The following USH2A variants were observed in gnomAD, a reference collection of about 807,000 sequenced individuals.
USH2A encodes usherin, also known as Usher syndrome 2A (autosomal recessive, mild).
In USH2A, 443 loss-of-function variants were observed where a neutral mutation model predicts 538.9. The observed-to-expected ratio is 0.82, with a 90% CI of 0.76 to 0.89. The LOEUF is 0.89. Among genes scored for constraint, USH2A ranks in the 40% least tolerant of loss-of-function variants. The probability of loss-of-function intolerance (pLI) is 0.00; values close to 1 mark genes in which losing one functional copy is unlikely to be tolerated. For synonymous variants in USH2A, 2,413 were observed against 2,273.5 expected (o/e 1.06, Z -1.75); for missense variants, 6,633 against 6,324.8 (o/e 1.05, Z -1.65).
chr1:216,088,879 C>A, intron 23 of USH2A, 134 bp downstream of exon 23: 1 of 1,378,044 alleles, frequency 7.3e-7, no homozygotes, highest in East Asian at 2.3e-5. Context: ...ATCCCAAAGG[C>A]AAATTCAACA....
Position 215,680,295 on chromosome 1 carries a change from C to A in USH2A, c.12148G>T (p.Gly4050Ter). Reference sequence around the variant, plus strand: ...AGAGTCCAAGGGCTTAAAATTTCTCCTGCATGGTTTGCAGCCACAACACCA... The same window carrying A: ...AGAGTCCAAGGGCTTAAAATTTCTCATGCATGGTTTGCAGCCACAACACCA... Reference protein sequence around the residue: ...RIGVVAANHAGEILSPWTLIQ... With the variant: ...RIGVVAANHA The change falls in exon 62 of 72, where the codon GGA (glycine) becomes TGA (stop). Residue 4050 changes from glycine (G) to a stop codon, truncating the protein, a stop_gained. Transcript: ENST00000307340. LOFTEE classifies it high-confidence loss of function. 3.1e-6 allele frequency: 5 copies of A among 1,614,116 alleles called. No homozygotes were observed. The highest frequency in any genetic ancestry group is 4.2e-6 in the Non-Finnish European group (5 of 1,180,006).
In USH2A at chr1:215,782,176, G is replaced by T. The variant is rs1661662703; in HGVS notation, c.10606C>A (p.Leu3536Ile). ...QSNGPIIYYI[L>I]LRNGIERFRG... is the part of the protein sequence containing the mutation. ...AAACGTTCAATTCCATTTCGAAGAA[G>T]GATGTAGTAAATAATAGGACCTAAA... The change falls in exon 54 of 72, where the codon CTT becomes ATT. Residue 3536 changes from leucine (L) to isoleucine (I), a missense_variant. By Grantham distance (5) the Leu-to-Ile change is conservative. Transcript: ENST00000307340. 2 of 1,613,872 alleles carry T rather than the reference G, an allele frequency of 1.2e-6. No individual in the cohort carries two copies. The highest frequency in any genetic ancestry group is 2.7e-5 in the African/African-American group (2 of 75,010).
At chr1:216,053,121 C>T (rs533898294) in intron 30 of USH2A, among the ~76,000 whole-genome samples, 44 of 152,100 alleles carry the variant, frequency 2.9e-4, no homozygotes, top group Non-Finnish European at 5.0e-4. Context: ...CTTACAGTAA[C>T]AGATTGATAC....
At chr1:215,838,285 G>A (rs1478710187) in intron 46 of USH2A, among the ~76,000 whole-genome samples, 182 bp from the exon 47 acceptor site, 1 of 152,142 alleles carries the variant, frequency 6.6e-6, no homozygotes, top group Non-Finnish European at 1.5e-5. Flanking sequence ...TCAGAGGAAG[G>A]TACGGAATTG....
At chr1:216,271,458 G>T (rs1488750389) in intron 11 of USH2A, among the ~76,000 whole-genome samples, 1 of 151,948 alleles carries the variant, frequency 6.6e-6, no homozygotes, top group Non-Finnish European at 1.5e-5. Flanking sequence ...CTATACAGTG[G>T]CATATTTTCT....
intron 30 of USH2A, among the ~76,000 whole-genome samples, chr1:216,064,187 T>A (rs2102540445): frequency 6.6e-6 from 1 of 152,328 alleles, no homozygotes; most frequent in Non-Finnish European, 1.5e-5. Context: ...ATTTTTATTT[T>A]ATAATGATTT....
At chr1:216,168,846 C>T (rs1415988367) in intron 21 of USH2A, among the ~76,000 whole-genome samples, 1 of 152,090 alleles carries the variant, frequency 6.6e-6, no homozygotes, top group African/African-American at 2.4e-5. Context: ...AACTGACTCA[C>T]CACAAGAGGA....
intron 27 of USH2A, among the ~76,000 whole-genome samples, chr1:216,073,723 T>C (rs1482109212): frequency 1.3e-5 from 2 of 152,228 alleles, no homozygotes; most frequent in Non-Finnish European, 2.9e-5. Context: ...AATATTTGAA[T>C]TAGCATGATT....
At chr1:216,033,545 T>C (rs936088066) in intron 32 of USH2A, among the ~76,000 whole-genome samples, 6 of 152,122 alleles carry the variant, frequency 3.9e-5, no homozygotes, top group African/African-American at 1.4e-4. Context: ...AAAAGAATGA[T>C]ATAAGGCTAA....
At chr1:215,655,180 CA>C (rs1322412414) in intron 64 of USH2A, among the ~76,000 whole-genome samples, 1 of 152,166 alleles carries the variant, frequency 6.6e-6, no homozygotes, top group Non-Finnish European at 1.5e-5. Context: ...TTGAAAAATA[CA>C]AAGGCCTATT....
At chr1:216,418,456 G>A in intron 3 of USH2A, 58 bp downstream of exon 3, 1 of 1,593,194 alleles carries the variant, frequency 6.3e-7, no homozygotes, top group East Asian at 2.2e-5. Context: ...TTAAAAGAGA[G>A]AAAGGAAGAC....
chr1:216,038,813 T>A (rs770494867), intron 32 of USH2A, among the ~76,000 whole-genome samples: 2 of 152,034 alleles, frequency 1.3e-5, no homozygotes, highest in Non-Finnish European at 2.9e-5. Context: ...ACACCTCTAT[T>A]TGTAACACTT....
chr1:215,814,052 TC>T, intron 48 of USH2A, 148 bp from the exon 49 acceptor site: 1 of 955,436 alleles, frequency 1.0e-6, no homozygotes, highest in Non-Finnish European at 1.6e-6. Context: ...AAATGTATTT[TC>T]CAGGATCATT....
In USH2A at chr1:216,046,570, T is replaced by C. The variant is rs200247886; in HGVS notation, c.6186A>G (p.Pro2062=). The C allele has an allele frequency of 1.2e-5, 19 of 1,613,768 alleles. No individual in the cohort carries two copies. Among genetic ancestry groups the C allele is most frequent in the African/African-American group, 1.3e-5 (1 of 74,920 alleles). Residue 2062 remains proline, a synonymous_variant, in exon 32 of 72, where the codon CCA becomes CCG. Coordinates refer to ENST00000307340, the MANE Select transcript of USH2A (RefSeq NM_206933.4). ...PQEAPQEVQP[P]VAKSLPSSLL... is the part of the protein sequence containing the mutation. ...AAGAACTGGGAAGGGATTTGGCTAC[T>C]GGTGGCTGAACCTCTTGTGGGGCTG...
intron 40 of USH2A, 72 bp from the exon 41 acceptor site, chr1:215,889,126 G>A: frequency 6.5e-7 from 1 of 1,538,248 alleles, no homozygotes; most frequent in Non-Finnish European, 8.9e-7. Context: ...GCTAAAATGA[G>A]TGATAGCTCT....
rs773660780 is a variant in USH2A, at chr1:216,217,484, C to G, written c.3060G>C (p.Gln1020His). ...LNETCHLVTG[Q>H]CFCKQFVTGS... is the part of the protein sequence containing the mutation. ...CAGTGACAAATTGTTTACAGAAACA[C>G]TGGCCTGTGACCAAGTGACAGGTTT... Residue 1020 changes from glutamine to histidine, a missense_variant, in exon 15 of 72, where the codon CAG becomes CAC. By Grantham distance (24) the Gln-to-His change is conservative. Coordinates refer to ENST00000307340, the MANE Select transcript of USH2A (RefSeq NM_206933.4). 3 of 1,613,260 alleles carry G rather than the reference C, an allele frequency of 1.9e-6. No individual in the cohort carries two copies. The highest frequency in any genetic ancestry group is 2.2e-5 in the South Asian group (2 of 91,068).
chr1:216,249,284 C>T (rs893382538), intron 12 of USH2A, among the ~76,000 whole-genome samples: 2 of 151,980 alleles, frequency 1.3e-5, no homozygotes, highest in African/African-American at 4.8e-5. Flanking sequence ...CCATCTGGAT[C>T]AATCAACAAA....
At chr1:216,091,282 G>T (rs1290086144) in intron 22 of USH2A, among the ~76,000 whole-genome samples, 2 of 152,232 alleles carry the variant, frequency 1.3e-5, no homozygotes, top group East Asian at 3.9e-4. Flanking sequence ...TTCCTTCCAA[G>T]TAAGCCCAGA....
At chr1:215,992,891 A>T (rs556115758) in intron 35 of USH2A, 129 bp downstream of exon 35, 2 of 1,446,688 alleles carry the variant, frequency 1.4e-6, no homozygotes, top group Non-Finnish European at 1.9e-6. Context: ...AGACAATGAT[A>T]CTATCTTAGG....
Sources: gnomAD v4.1 joint callset for allele counts (sites outside exome capture counted in the v4.1 genomes callset) on GRCh38, gnomAD v4.1.1 for gene constraint, MANE v1.5 for transcripts, NCBI Gene and HGNC (gene_info 2026-07-23, HGNC 2026-07-21) for gene names.